Variants in SORCS2 observed in about 807,000 individuals in gnomAD.
The protein encoded by SORCS2 is VPS10 domain-containing receptor SorCS2.
SORCS2 carries 100 observed loss-of-function variants against 141.6 expected under a neutral mutation model. The observed-to-expected ratio is 0.71, with a 90% CI of 0.60 to 0.83. The LOEUF is 0.83. Ranked by LOEUF, SORCS2 falls within the 40% of genes least tolerant of loss-of-function variation. The pLI is 0.00. For synonymous variants in SORCS2, 789 were observed against 676.9 expected (o/e 1.17, Z -2.57); for missense variants, 1,646 against 1,560.2 (o/e 1.05, Z -0.93).
intron 9 of SORCS2, among the ~76,000 whole-genome samples, chr4:7,677,775 C>T (rs1335494997): frequency 6.6e-6 from 1 of 152,202 alleles, no homozygotes; most frequent in Admixed American, 6.5e-5. Flanking sequence ...GTTCATCTCC[C>T]CAGCAGACGA....
rs75523167 is a variant in SORCS2 at position 7,718,283 on chromosome 4, A to G, written c.2424+100A>G. On this transcript the variant is annotated intron_variant, in intron 18 of 26. Transcript: ENST00000507866. Reference sequence around the variant, plus strand: ...GGTGAGGGTGTCTCCTCCACCTAGAAGTGGCTCAGGGCATCGTCATCAGCC... The same window carrying G: ...GGTGAGGGTGTCTCCTCCACCTAGAGGTGGCTCAGGGCATCGTCATCAGCC... The G allele has an allele frequency of 3.0e-3, 4,176 of 1,395,920 alleles. 55 individuals carry two copies. The highest frequency in any genetic ancestry group is 0.028 in the Admixed American group (1,180 of 42,396). The allele number at this position is 1,395,920 out of a possible 1,614,324, so 86.5% of individuals were successfully genotyped here.
In SORCS2 at chr4:7,390,508, C is replaced by T. The variant is rs1723788107; in HGVS notation, c.481-5780C>T. 2.0e-5 allele frequency among the ~76,000 whole-genome samples: 3 copies of T among 152,190 alleles called. No homozygotes were observed. The South Asian group carries it at 6.2e-4, about 32-fold the overall frequency. The stretch of plus-strand genomic sequence containing the variant: ...GGGGAACTGGGCGCTCATGCAGGGC[C>T]AGGGTTCAGGCTGGCTCAGAAAACC... On this transcript the variant is annotated intron_variant, in intron 1 of 26. Coordinates refer to ENST00000507866, the MANE Select transcript of SORCS2 (RefSeq NM_020777.3).
At chr4:7,410,862 G>C (rs765044300) in intron 2 of SORCS2, among the ~76,000 whole-genome samples, 29 of 150,326 alleles carry the variant, frequency 1.9e-4, no homozygotes, top group Non-Finnish European at 2.1e-4. Context: ...TCTGGGACAA[G>C]ATCTGAGGTG....
chr4:7,303,269 G>A (rs890860551), intron 1 of SORCS2, among the ~76,000 whole-genome samples: 2 of 152,212 alleles, frequency 1.3e-5, no homozygotes, highest in South Asian at 2.1e-4. Flanking sequence ...GCTTCATTAA[G>A]TAAAGGATGG....
rs1222737695 is a variant in SORCS2, at chr4:7,718,191, A to T, written c.2424+8A>T. The T allele has an allele frequency of 6.2e-7, 1 of 1,606,742 alleles. No homozygotes were observed. The highest frequency in any genetic ancestry group is 1.3e-5 in the African/African-American group (1 of 74,706). ...GTGGTGCGGCAGGAGCAGGTGAGTGAGCACCTCCCAGCAGGCTCCTGGGAC... is the reference window on the plus strand; with the variant it reads ...GTGGTGCGGCAGGAGCAGGTGAGTGTGCACCTCCCAGCAGGCTCCTGGGAC... On this transcript the variant is annotated splice_region_variant and intron_variant, in intron 18 of 26. Transcript: ENST00000507866.
chr4:7,644,485 G>A (rs146936380), intron 4 of SORCS2, among the ~76,000 whole-genome samples: 39 of 152,286 alleles, frequency 2.6e-4, no homozygotes, highest in African/African-American at 8.4e-4. Context: ...AAATTGGCAC[G>A]AGTGCATCCA....
rs138673672 is a variant in SORCS2 at position 7,627,182 on chromosome 4, G to A, written c.649-11146G>A. The stretch of plus-strand genomic sequence containing the variant: ...TCTATACTTGGAGAGACAGGGTTTC[G>A]CCTTGTTGCCCAGGCTGGTCTCAAA... On this transcript the variant is annotated intron_variant, in intron 3 of 26. Coordinates refer to ENST00000507866, the MANE Select transcript of SORCS2 (RefSeq NM_020777.3). Among the ~76,000 whole-genome samples the A allele has an allele frequency of 7.1e-3, 1,083 of 152,078 alleles. 6 individuals carry two copies. The highest frequency in any genetic ancestry group is 0.025 in the African/African-American group (1,034 of 41,474).
chr4:7,514,842 C>T (rs557042520), intron 2 of SORCS2, among the ~76,000 whole-genome samples: 1 of 152,268 alleles, frequency 6.6e-6, no homozygotes, highest in Non-Finnish European at 1.5e-5. Flanking sequence ...TGCCAGGCAG[C>T]TCAGGGCCCC....
chr4:7,356,777 G>A (rs952022220), intron 1 of SORCS2, among the ~76,000 whole-genome samples: 10 of 152,192 alleles, frequency 6.6e-5, no homozygotes, highest in Non-Finnish European at 1.2e-4. Flanking sequence ...GAGCCTTACA[G>A]GGCACCTGGC....
chr4:7,624,024 TAAC>T (rs1279754304), intron 3 of SORCS2, among the ~76,000 whole-genome samples: 1 of 152,164 alleles, frequency 6.6e-6, no homozygotes. Flanking sequence ...AGGATAATAA[TAAC>T]AACTACTTCA....
chr4:7,376,506 G>A (rs900843942), intron 1 of SORCS2, among the ~76,000 whole-genome samples: 5 of 152,190 alleles, frequency 3.3e-5, no homozygotes, highest in Admixed American at 2.6e-4. Flanking sequence ...GAACCCAGGA[G>A]GTGGAGGTTG....
intron 21 of SORCS2, among the ~76,000 whole-genome samples, chr4:7,727,862 GAGA>G: frequency 6.6e-6 from 1 of 152,230 alleles, no homozygotes; most frequent in East Asian, 1.9e-4. Context: ...GTGGGAGAAA[GAGA>G]AGAAGACAGG....
At chr4:7,647,526 T>A (rs1015950643) in intron 4 of SORCS2, among the ~76,000 whole-genome samples, 2 of 152,146 alleles carry the variant, frequency 1.3e-5, no homozygotes, top group African/African-American at 4.8e-5. Context: ...CAGGGCCCTG[T>A]CTGCTTTTCT....
intron 3 of SORCS2, among the ~76,000 whole-genome samples, chr4:7,578,890 C>G (rs999288152): frequency 7.2e-5 from 11 of 152,164 alleles, no homozygotes; most frequent in African/African-American, 2.7e-4. Flanking sequence ...AGAAGCCCAC[C>G]TTATCCCTAA....
rs546502748 is a variant in SORCS2, at chr4:7,336,225, C to G, written c.481-60063C>G. Reference sequence around the variant, plus strand: ...GCTCGTGGTGGAGATGGCCCCTACTCTCCCTCACTGGGGTTTCAGGGAGCC... The same window carrying G: ...GCTCGTGGTGGAGATGGCCCCTACTGTCCCTCACTGGGGTTTCAGGGAGCC... On this transcript the variant is annotated intron_variant, in intron 1 of 26. Transcript: ENST00000507866. Among the ~76,000 whole-genome samples, 5 of 152,330 alleles carry G rather than the reference C, an allele frequency of 3.3e-5. No individual in the cohort carries two copies. The South Asian group carries it at 6.2e-4, about 19-fold the overall frequency.
chr4:7,309,308 C>T (rs148771787), intron 1 of SORCS2, among the ~76,000 whole-genome samples: 5 of 152,318 alleles, frequency 3.3e-5, no homozygotes, highest in African/African-American at 4.8e-5. Flanking sequence ...CTTCTGGTCT[C>T]GTTTCCTAGC....
intron 3 of SORCS2, among the ~76,000 whole-genome samples, chr4:7,549,925 G>A (rs1713553538): frequency 6.6e-6 from 1 of 152,188 alleles, no homozygotes; most frequent in African/African-American, 2.4e-5. Flanking sequence ...GCCCTAGACA[G>A]TGGGATGGGT....
At chr4:7,458,182 A>G (rs1419031502) in intron 2 of SORCS2, among the ~76,000 whole-genome samples, 3 of 152,126 alleles carry the variant, frequency 2.0e-5, no homozygotes, top group African/African-American at 4.8e-5. Flanking sequence ...CTGGGAAGGC[A>G]TTGCTGAGTC....
At chr4:7,622,573 A>G (rs569913608) in intron 3 of SORCS2, among the ~76,000 whole-genome samples, 1 of 152,122 alleles carries the variant, frequency 6.6e-6, no homozygotes, top group Admixed American at 6.5e-5. Flanking sequence ...GGACTGCCCT[A>G]CCCTGCCTTC....
Sources: gnomAD v4.1 joint callset for allele counts (sites outside exome capture counted in the v4.1 genomes callset) on GRCh38, gnomAD v4.1.1 for gene constraint, MANE v1.5 for transcripts, NCBI Gene and HGNC (gene_info 2026-07-23, HGNC 2026-07-21) for gene names.